Variants in SUPT3H observed in about 807,000 individuals in gnomAD.
The protein encoded by SUPT3H is transcription initiation protein SPT3 homolog.
A neutral mutation model predicts 44.3 loss-of-function variants in SUPT3H; 44 were observed. The observed-to-expected ratio is 0.99, with a 90% CI of 0.78 to 1.28. The LOEUF (loss-of-function observed/expected upper bound fraction) is 1.28, where lower values mean the gene tolerates loss of function less well. Among genes scored for constraint, SUPT3H ranks in the 50% most tolerant of loss-of-function variants. The probability of loss-of-function intolerance (pLI) is 0.00; values close to 1 mark genes in which losing one functional copy is unlikely to be tolerated. For missense variants in SUPT3H, 380 were observed against 387.1 expected, an observed-to-expected ratio of 0.98 and a Z score of 0.15; for synonymous variants, 124 against 125.6, an observed-to-expected ratio of 0.99 and a Z score of 0.09.
chr6:45,120,813 T>C (rs929248326), intron 2 of SUPT3H, among the ~76,000 whole-genome samples: 1 of 152,196 alleles, frequency 6.6e-6, no homozygotes, highest in Admixed American at 6.5e-5. Flanking sequence ...AACTCCATAG[T>C]GTCTTTATGC....
intron 2 of SUPT3H, among the ~76,000 whole-genome samples, chr6:45,300,397 A>T (rs544985490): frequency 6.6e-6 from 1 of 152,314 alleles, no homozygotes; most frequent in East Asian, 1.9e-4. Flanking sequence ...CACTAGAATG[A>T]CCCTCAAAAT....
rs1356159813 is a variant in SUPT3H, at chr6:44,940,056, G to T, written c.802-7293C>A. Among the ~76,000 whole-genome samples, 6 of 151,410 alleles carry T rather than the reference G, an allele frequency of 4.0e-5. No individual in the cohort carries two copies. In the South Asian group the frequency reaches 6.3e-4, roughly 16 times the overall value. On this transcript the variant is annotated intron_variant, in intron 9 of 10. Coordinates refer to ENST00000371459, the MANE Select transcript of SUPT3H (RefSeq NM_003599.4). ...TTTGTCTTTATTTTTATTTAGTGCT[G>T]CTCAGGTCTTTGTTATTTCTTCTGA...
Position 45,123,155 on chromosome 6 carries a change from A to G in SUPT3H, c.102-17149T>C, listed in dbSNP as rs79263067. On this transcript the variant is annotated intron_variant, in intron 2 of 10. Transcript: ENST00000371459. ...CTTTAACAATATTCACTGAACATCA[A>G]CCAAGATGAAAGTCCTCTCCTGAAG... Among the ~76,000 whole-genome samples, 866 of 152,258 alleles carry G rather than the reference A, an allele frequency of 5.7e-3. 8 individuals carry two copies. The highest frequency in any genetic ancestry group is 0.023 in the South Asian group (113 of 4,816).
chr6:45,022,787 A>C (rs764752421), intron 3 of SUPT3H, among the ~76,000 whole-genome samples: 1 of 152,080 alleles, frequency 6.6e-6, no homozygotes, highest in Non-Finnish European at 1.5e-5. Context: ...TAACTCATAC[A>C]AAAGTCATCT....
At chr6:45,340,345 A>G (rs1254706366) in intron 2 of SUPT3H, among the ~76,000 whole-genome samples, 1 of 152,138 alleles carries the variant, frequency 6.6e-6, no homozygotes, top group Non-Finnish European at 1.5e-5. Context: ...CCCCCTCAAG[A>G]CAAGGTCTCA....
chr6:45,283,349 T>G (rs1778551102), intron 2 of SUPT3H, among the ~76,000 whole-genome samples: 1 of 152,064 alleles, frequency 6.6e-6, no homozygotes, highest in Non-Finnish European at 1.5e-5. Context: ...CCACCTCACG[T>G]GCAGAGACAT....
chr6:45,069,093 T>C (rs1325822226), intron 3 of SUPT3H, among the ~76,000 whole-genome samples: 1 of 152,194 alleles, frequency 6.6e-6, no homozygotes, highest in Admixed American at 6.5e-5. Context: ...CAATAAGTAC[T>C]GTATTGAACA....
At position 45,361,301 on chromosome 6, in the gene SUPT3H, T is replaced by A. The variant is rs1794215523; in HGVS notation, c.101+3900A>T. 2.0e-5 allele frequency among the ~76,000 whole-genome samples: 3 copies of A among 152,172 alleles called. No individual in the cohort carries two copies. The South Asian group carries it at 6.2e-4, about 31-fold the overall frequency. Reference sequence around the variant, plus strand: ...AACAAGATTTTTTCAATGTTATTGCTATTTATCCCCAAAACTCCCAATTTT... The same window carrying A: ...AACAAGATTTTTTCAATGTTATTGCAATTTATCCCCAAAACTCCCAATTTT... On this transcript the variant is annotated intron_variant, in intron 2 of 10. Coordinates refer to ENST00000371459, the MANE Select transcript of SUPT3H (RefSeq NM_003599.4).
chr6:44,949,098 G>C (rs536725779), intron 9 of SUPT3H, among the ~76,000 whole-genome samples: 2 of 152,212 alleles, frequency 1.3e-5, no homozygotes, highest in East Asian at 3.9e-4. Flanking sequence ...GTAGAGACAT[G>C]TATGAAGCTG....
At chr6:45,084,241 C>T (rs565034469) in intron 3 of SUPT3H, among the ~76,000 whole-genome samples, 229 of 152,210 alleles carry the variant, frequency 1.5e-3, no homozygotes, top group African/African-American at 5.3e-3. Context: ...CACAAATACC[C>T]ATGCGACAAA....
intron 10 of SUPT3H, among the ~76,000 whole-genome samples, chr6:44,886,036 T>C (rs1413855645): frequency 6.6e-6 from 1 of 151,894 alleles, no homozygotes; most frequent in East Asian, 1.9e-4. Context: ...ATGAAATGAA[T>C]GAAATGAAGT....
chr6:45,372,780 T>C (rs1449208911), intron 1 of SUPT3H, among the ~76,000 whole-genome samples: 1 of 151,916 alleles, frequency 6.6e-6, no homozygotes, highest in Non-Finnish European at 1.5e-5. Context: ...CACCTCAGCC[T>C]CCCAAGCAGT....
chr6:44,898,007 C>T (rs1344651881), intron 10 of SUPT3H, among the ~76,000 whole-genome samples: 1 of 152,114 alleles, frequency 6.6e-6, no homozygotes, highest in Non-Finnish European at 1.5e-5. Flanking sequence ...AACTTATAAC[C>T]ATTTGTCACA....
chr6:45,224,615 T>C (rs773066830), intron 2 of SUPT3H, among the ~76,000 whole-genome samples: 2 of 152,024 alleles, frequency 1.3e-5, no homozygotes, highest in African/African-American at 4.8e-5. Flanking sequence ...TCGTCTCTAC[T>C]AAAAATACAA....
In SUPT3H at chr6:45,042,690, G is replaced by C. The variant is rs182831640; in HGVS notation, c.187-22058C>G. Reference sequence around the variant, plus strand: ...TAACCATTGTGGAAGTCAGTGTGGCGATTCCTCAGGGATCTAGAACTAGAA... The same window carrying C: ...TAACCATTGTGGAAGTCAGTGTGGCCATTCCTCAGGGATCTAGAACTAGAA... On this transcript the variant is annotated intron_variant, in intron 3 of 10. Coordinates refer to ENST00000371459, the MANE Select transcript of SUPT3H (RefSeq NM_003599.4). Among the ~76,000 whole-genome samples, 353 of 152,170 alleles carry C rather than the reference G, an allele frequency of 2.3e-3. 1 individual carries two copies. Among genetic ancestry groups the C allele is most frequent in the African/African-American group, 7.8e-3 (322 of 41,524 alleles).
chr6:45,252,918 C>A (rs896731086), intron 2 of SUPT3H, among the ~76,000 whole-genome samples: 2 of 151,974 alleles, frequency 1.3e-5, no homozygotes, highest in Non-Finnish European at 2.9e-5. Flanking sequence ...CAAAAACTAA[C>A]AAGCATTAAT....
intron 2 of SUPT3H, among the ~76,000 whole-genome samples, chr6:45,360,848 C>T (rs1039248674): frequency 3.3e-5 from 5 of 152,174 alleles, no homozygotes; most frequent in African/African-American, 9.7e-5. Flanking sequence ...AGAAGAGTTC[C>T]TCATTCCCTC....
chr6:45,011,369 T>C (rs2153511483), intron 5 of SUPT3H, among the ~76,000 whole-genome samples: 1 of 152,240 alleles, frequency 6.6e-6, no homozygotes, highest in Admixed American at 6.5e-5. Flanking sequence ...CCTGTTCAGA[T>C]TTTCCATTCC....
chr6:45,172,579 T>G (rs948446218), intron 2 of SUPT3H, among the ~76,000 whole-genome samples: 1 of 133,852 alleles, frequency 7.5e-6, no homozygotes, highest in Non-Finnish European at 1.5e-5. Flanking sequence ...AAATAAATCC[T>G]TAAAGATAGA....
Sources: gnomAD v4.1 joint callset for allele counts (sites outside exome capture counted in the v4.1 genomes callset) on GRCh38, gnomAD v4.1.1 for gene constraint, MANE v1.5 for transcripts, NCBI Gene and HGNC (gene_info 2026-07-23, HGNC 2026-07-21) for gene names.